The following DMD variants were observed in gnomAD, a reference collection of about 807,000 sequenced individuals.
DMD encodes the protein mutant dystrophin.
In DMD, 63 loss-of-function variants were observed where a neutral mutation model predicts 330.1. The ratio of observed to expected loss-of-function variants is 0.19; its 90% CI spans 0.16 to 0.24. The LOEUF (loss-of-function observed/expected upper bound fraction) is 0.24, where lower values mean the gene tolerates loss of function less well. Ranked by LOEUF, DMD falls within the 10% of genes least tolerant of loss-of-function variation. The pLI is 1.00. For synonymous variants in DMD, 1,223 were observed against 959.8 expected, an observed-to-expected ratio of 1.27 and a Z score of -5.07; for missense variants, 3,344 against 2,684.1, an observed-to-expected ratio of 1.25 and a Z score of -5.43.
At chrX:32,872,002 G>C (rs1254212360) in intron 2 of DMD, among the ~76,000 whole-genome samples, 2 of 110,684 alleles carry the variant, frequency 1.8e-5, no homozygotes, top group East Asian at 2.9e-4. Flanking sequence ...TGATTAAATT[G>C]GTATGAAAAG....
chrX:32,170,437 A>G (rs1358832456), intron 44 of DMD, among the ~76,000 whole-genome samples: 3 of 108,522 alleles, frequency 2.8e-5, no homozygotes, highest in Non-Finnish European at 5.7e-5. Flanking sequence ...GTACCATTGT[A>G]CTCCAACCCG....
intron 30 of DMD, among the ~76,000 whole-genome samples, chrX:32,410,651 T>C (rs1051363626): frequency 8.9e-6 from 1 of 111,735 alleles, no homozygotes; most frequent in Non-Finnish European, 1.9e-5. Flanking sequence ...GACTTGGTGA[T>C]TGGGTTCACA....
chrX:31,625,048 G>A (rs765519447), intron 55 of DMD, among the ~76,000 whole-genome samples: 54 of 111,822 alleles, frequency 4.8e-4, no homozygotes, highest in Non-Finnish European at 6.8e-4. Context: ...GTAGTTCACC[G>A]TTTTACCATG....
chrX:33,124,916 C>T lies in DMD; in HGVS notation c.31+86366G>A, dbSNP rs769440626. Among the ~76,000 whole-genome samples the T allele has an allele frequency of 3.5e-4, 36 of 104,263 alleles. No individual in the cohort carries two copies. The East Asian group carries it at 0.011, about 31-fold the overall frequency. 90.5% of individuals were successfully genotyped at this position (104,263 alleles called of 115,157 possible). On this transcript the variant is annotated intron_variant, in intron 1 of 78. Coordinates refer to ENST00000357033, the MANE Select transcript of DMD (RefSeq NM_004006.3). Reference sequence around the variant, plus strand: ...GTGCATGCCTGTAATCCCAGCTACTCGGGAGGCTGAGGCAGGAGAATTGCT... The same window carrying T: ...GTGCATGCCTGTAATCCCAGCTACTTGGGAGGCTGAGGCAGGAGAATTGCT...
intron 51 of DMD, among the ~76,000 whole-genome samples, chrX:31,773,202 A>G (rs956409783): frequency 5.3e-5 from 6 of 112,196 alleles, no homozygotes; most frequent in African/African-American, 1.9e-4. Flanking sequence ...ACTTTAATGT[A>G]TAACAATTCC....
chrX:32,471,938 A>G (rs1192839346), intron 22 of DMD, among the ~76,000 whole-genome samples: 1 of 112,128 alleles, frequency 8.9e-6, no homozygotes, highest in Non-Finnish European at 1.9e-5. Context: ...TCATAAATAG[A>G]TCATACAATT....
intron 62 of DMD, among the ~76,000 whole-genome samples, chrX:31,306,199 T>TA (rs780364429): frequency 0.042 from 4,648 of 110,452 alleles, 254 homozygotes; most frequent in African/African-American, 0.15. Context: ...TTTTCAAATT[T>TA]AAAAAAAAAT....
intron 2 of DMD, among the ~76,000 whole-genome samples, chrX:32,881,087 G>A (rs1026743454): frequency 3.6e-5 from 4 of 112,604 alleles, no homozygotes; most frequent in African/African-American, 1.3e-4. Context: ...AACCACGAAG[G>A]CAGCTGGCAA....
chrX:31,656,211 T>C (rs768038193), intron 54 of DMD, among the ~76,000 whole-genome samples: 3 of 112,161 alleles, frequency 2.7e-5, no homozygotes, highest in Non-Finnish European at 5.6e-5. Flanking sequence ...AAAATGTGAG[T>C]TGGCTTCTAA....
chrX:32,749,636 C>T (rs1266567688), intron 7 of DMD, among the ~76,000 whole-genome samples: 2 of 112,563 alleles, frequency 1.8e-5, no homozygotes, highest in African/African-American at 3.2e-5. Flanking sequence ...ATTTCAAGTT[C>T]TTAACACGTT....
At position 33,211,304 on chromosome X, in the gene DMD, C is replaced by T. The variant is rs398122853; in HGVS notation, c.9G>A (p.Trp3Ter). ML[W>*]WEEVEDCYER... ...TACAACAGTCCTCTACTTCTTCCCACCAAAGCATTTTGAAAAGTGTATATC... is the reference window on the plus strand; with the variant it reads ...TACAACAGTCCTCTACTTCTTCCCATCAAAGCATTTTGAAAAGTGTATATC... Residue 3 changes from tryptophan to a stop codon, truncating the protein, a stop_gained, in exon 1 of 79, where the codon TGG becomes TGA. Transcript: ENST00000357033. LOFTEE classifies it high-confidence loss of function. 1 of 1,209,169 alleles carries T rather than the reference C, an allele frequency of 8.3e-7. No homozygotes were observed. The highest frequency in any genetic ancestry group is 1.1e-6 in the Non-Finnish European group (1 of 894,293).
At chrX:33,046,059 G>A (rs6631726) in intron 1 of DMD, among the ~76,000 whole-genome samples, 10,637 of 111,118 alleles carry the variant, frequency 0.096, 533 homozygotes, top group East Asian at 0.32. Context: ...CACATTGGAT[G>A]TCACATCTCT....
intron 20 of DMD, 80 bp downstream of exon 20, chrX:32,491,197 T>G: frequency 8.8e-7 from 1 of 1,131,606 alleles, no homozygotes; most frequent in Non-Finnish European, 1.2e-6. Context: ...CATTACTAAA[T>G]AATTTGTTAC....
chrX:31,323,692 G>A, intron 61 of DMD, 34 bp from the exon 62 acceptor site: 5 of 1,141,688 alleles, frequency 4.4e-6, no homozygotes, highest in Non-Finnish European at 6.0e-6. Flanking sequence ...GAAAGGCAAG[G>A]AGGTCAAATT....
At chrX:32,760,914 C>T (rs1057051607) in intron 7 of DMD, among the ~76,000 whole-genome samples, 5 of 111,284 alleles carry the variant, frequency 4.5e-5, no homozygotes, top group African/African-American at 1.6e-4. Flanking sequence ...CTTATTTCTT[C>T]TTCATTGGTG....
At chrX:33,219,191 G>A (rs182698920) in intron 1 of DMD, among the ~76,000 whole-genome samples, 15 of 109,445 alleles carry the variant, frequency 1.4e-4, no homozygotes, top group African/African-American at 4.3e-4. Context: ...ATTTTAGCTC[G>A]TCCCCTTCTG....
chrX:33,330,299 T>A (rs1219745057), intron 1 of DMD, among the ~76,000 whole-genome samples: 1 of 111,488 alleles, frequency 9.0e-6, no homozygotes, highest in South Asian at 3.7e-4. Flanking sequence ...TTGGAAGATG[T>A]TGAAATTGGA....
At chrX:32,299,199 T>C (rs1442424960) in intron 42 of DMD, among the ~76,000 whole-genome samples, 1 of 110,603 alleles carries the variant, frequency 9.0e-6, no homozygotes, top group African/African-American at 3.3e-5. Flanking sequence ...GGTCCAGCTA[T>C]GCTGAACACA....
At chrX:31,434,434 A>G (rs748993759) in intron 60 of DMD, among the ~76,000 whole-genome samples, 11,295 of 90,090 alleles carry the variant, frequency 0.13, 967 homozygotes, top group African/African-American at 0.28. Context: ...ACACACACAC[A>G]CACACACACA....
Sources: allele counts gnomAD v4.1 joint callset (sites outside exome capture counted in the v4.1 genomes callset), GRCh38; gene constraint gnomAD v4.1.1; transcripts MANE v1.5; gene names NCBI Gene and HGNC (gene_info 2026-07-23, HGNC 2026-07-21).